The following FUT5 variants were observed in gnomAD, a reference collection of about 807,000 sequenced individuals.
FUT5 encodes the protein fucosyltransferase 5.
A neutral mutation model predicts 0.8 loss-of-function variants in FUT5; 1 was observed. The ratio of observed to expected loss-of-function variants is 1.26; its 90% CI spans 0.45 to 5.99. The LOEUF (loss-of-function observed/expected upper bound fraction) is 5.99. FUT5 is among the 30% of genes most tolerant of loss of function. The probability of loss-of-function intolerance (pLI) is 0.15; values close to 1 mark genes in which losing one functional copy is unlikely to be tolerated. For missense variants in FUT5, 437 were observed against 517.8 expected (o/e 0.84, Z 1.51); for synonymous variants, 212 against 225.7 (o/e 0.94, Z 0.54).
Position 5,867,842 on chromosome 19 carries a change from A to T in FUT5, c.-12-105T>A, listed in dbSNP as rs2057511161. The T allele has an allele frequency of 9.8e-6, 12 of 1,220,220 alleles. 1 individual carries two copies. In the South Asian group the frequency reaches 1.4e-4, roughly 14 times the overall value. The allele number at this position is 1,220,220 out of a possible 1,614,324, so 75.6% of individuals were successfully genotyped here. A position where few individuals can be genotyped will look rare whatever the true frequency, so the allele number is the denominator to read the frequency against. On this transcript the variant is annotated intron_variant, in intron 1 of 1. Transcript: ENST00000588525. The surrounding 1 kb of genome is among the most constrained non-coding windows in gnomAD (Gnocchi z 5.0). Reference sequence around the variant, plus strand: ...TATAATTTATGACACAGCTTGTCATAAATGCCCCCAGTACCCCTGAGTTGA... The same window carrying T: ...TATAATTTATGACACAGCTTGTCATTAATGCCCCCAGTACCCCTGAGTTGA...
intron 1 of FUT5, among the ~76,000 whole-genome samples, chr19:5,868,249 G>T (rs1249506605): frequency 6.6e-6 from 1 of 152,054 alleles, no homozygotes; most frequent in Non-Finnish European, 1.5e-5. Context: ...ACCAGGCAGG[G>T]AGTGGGGGGA....
intron 1 of FUT5, among the ~76,000 whole-genome samples, chr19:5,868,245 C>T (rs1417103877): frequency 6.6e-6 from 1 of 151,852 alleles, no homozygotes; most frequent in Non-Finnish European, 1.5e-5. Flanking sequence ...GCTGACCAGG[C>T]AGGGAGTGGG....
In FUT5 at chr19:5,867,352, T is replaced by TC; in HGVS notation, c.373dup (p.Asp125GlyfsTer238). On this transcript the variant is annotated frameshift_variant, in exon 2 of 2. Transcript: ENST00000588525. LOFTEE classifies it low-confidence loss of function (END_TRUNC). This position sits in a 1 kb window ranked among gnomAD's most constrained non-coding sequence, Gnocchi z 5.0. ...GTTGGCACTGGGGTTGTACATGATATCCCAGTGGTGCACGATGACCGCGTC... is the reference window on the plus strand; with the variant it reads ...GTTGGCACTGGGGTTGTACATGATATCCCCAGTGGTGCACGATGACCGCGTC... 6.2e-7 allele frequency: 1 copy of TC among 1,613,830 alleles called. No individual in the cohort carries two copies. The highest frequency in any genetic ancestry group is 8.5e-7 in the Non-Finnish European group (1 of 1,180,006).
chr19:5,868,987 A>AT (rs532737030), intron 1 of FUT5, among the ~76,000 whole-genome samples: 86 of 139,214 alleles, frequency 6.2e-4, no homozygotes, highest in East Asian at 1.7e-3. Flanking sequence ...TGCCCAGCTA[A>AT]TTTTTTTTTT....
chr19:5,867,226 T>C lies in FUT5; in HGVS notation c.500A>G (p.Asn167Ser), dbSNP rs368255820. Residue 167 changes from asparagine (N) to serine (S), a missense_variant, in exon 2 of 2, where the codon AAT becomes AGT. This residue lies in a region of FUT5 where 261 missense variants were observed against 242.6 expected (regional missense o/e 1.08). Coordinates refer to ENST00000588525, the MANE Select transcript of FUT5 (RefSeq NM_002034.2). The surrounding 1 kb of genome is among the most constrained non-coding windows in gnomAD (Gnocchi z 5.0). ...GTCGCTGCGGTAGGACATGGTGAGA[T>C]TGAAGTATCCGTCCAGGGCTTCCAG... ...RHLEALDGYF[N>S]LTMSYRSDSD... is the part of the protein sequence containing the mutation. 4 of 1,612,860 alleles carry C rather than the reference T, an allele frequency of 2.5e-6. No individual in the cohort carries two copies. Among genetic ancestry groups the C allele is most frequent in the African/African-American group, 2.7e-5 (2 of 74,812 alleles).
intron 1 of FUT5, among the ~76,000 whole-genome samples, chr19:5,868,605 C>T (rs955412768): frequency 2.4e-4 from 37 of 152,232 alleles, no homozygotes; most frequent in Admixed American, 1.8e-3. Flanking sequence ...GAGGCCAAGG[C>T]GGGCAGATCA....
chr19:5,867,519 C>T lies in FUT5; in HGVS notation c.207G>A (p.Ala69=), dbSNP rs181646788. 6.3e-5 allele frequency: 101 copies of T among 1,613,308 alleles called. No homozygotes were observed. The East Asian group carries it at 8.5e-4, about 14-fold the overall frequency. Residue 69 remains alanine (A), a synonymous_variant, in exon 2 of 2, where the codon GCG becomes GCA. Coordinates refer to ENST00000588525, the MANE Select transcript of FUT5 (RefSeq NM_002034.2). The surrounding 1 kb of genome is among the most constrained non-coding windows in gnomAD (Gnocchi z 5.0). ...TCAGTAGGGTGGGGTGGGCAGGGGTCGCCATGCTGTCCTGGCAGCGGGACC... is the reference window on the plus strand; with the variant it reads ...TCAGTAGGGTGGGGTGGGCAGGGGTTGCCATGCTGTCCTGGCAGCGGGACC... ...PNGSRCQDSM[A]TPAHPTLLIL... is the part of the protein sequence containing the mutation.
intron 1 of FUT5, among the ~76,000 whole-genome samples, chr19:5,870,144 TTTTCTTTCTTTC>T (rs758667641): frequency 7.1e-6 from 1 of 141,666 alleles, no homozygotes; most frequent in Admixed American, 7.6e-5. Context: ...TGCTGGGAAG[TTTTCTTTCTTTC>T]TTTCTTTTTA....
rs1030681755 is a variant in FUT5 at position 5,867,834 on chromosome 19, C to G, written c.-12-97G>C. On this transcript the variant is annotated intron_variant, in intron 1 of 1. Coordinates refer to ENST00000588525, the MANE Select transcript of FUT5 (RefSeq NM_002034.2). The surrounding 1 kb of genome is among the most constrained non-coding windows in gnomAD (Gnocchi z 5.0). ...GAAGCTGTTATAATTTATGACACAG[C>G]TTGTCATAAATGCCCCCAGTACCCC... 15 of 1,331,606 alleles carry G rather than the reference C, an allele frequency of 1.1e-5. No individual in the cohort carries two copies. Among genetic ancestry groups the G allele is most frequent in the Non-Finnish European group, 1.6e-5 (15 of 936,944 alleles). 82.5% of individuals were successfully genotyped at this position (1,331,606 alleles called of 1,614,324 possible).
In FUT5 at chr19:5,867,481, G is replaced by T; in HGVS notation, c.245C>A (p.Thr82Lys). ...AGCCACGGGTGTGTTAAAAGGCCAC[G>T]TCCACAGCAGGATCAGTAGGGTGGG... ...AHPTLLILLWTWPFNTPVALP... is the reference protein window; with the variant it reads ...AHPTLLILLWKWPFNTPVALP... Residue 82 changes from threonine to lysine, a missense_variant, in exon 2 of 2, where the codon ACG becomes AAG. Around this residue, in one of 2 missense-constraint regions of FUT5, gnomAD observed 261 missense variants for 242.6 expected, o/e 1.08. Coordinates refer to ENST00000588525, the MANE Select transcript of FUT5 (RefSeq NM_002034.2). The surrounding 1 kb of genome is among the most constrained non-coding windows in gnomAD (Gnocchi z 5.0). The T allele has an allele frequency of 6.5e-7, 1 of 1,530,408 alleles. No homozygotes were observed. Among genetic ancestry groups the T allele is most frequent in the Non-Finnish European group, 8.9e-7 (1 of 1,127,790 alleles). The allele number at this position is 1,530,408 out of a possible 1,614,324, so 94.8% of individuals were successfully genotyped here.
Position 5,868,150 on chromosome 19 carries a change from G to A in FUT5, c.-12-413C>T, listed in dbSNP as rs182773550. 6.3e-4 allele frequency among the ~76,000 whole-genome samples: 96 copies of A among 152,264 alleles called. 1 individual carries two copies. Among genetic ancestry groups the A allele is most frequent in the Non-Finnish European group, 1.2e-3 (82 of 68,012 alleles). On this transcript the variant is annotated intron_variant, in intron 1 of 1. Coordinates refer to ENST00000588525, the MANE Select transcript of FUT5 (RefSeq NM_002034.2). ...TCTGGCCCTCAGACACACTGTCCCC[G>A]TCCTGGGGGAGAGGCTGAGGCTGGG...
Position 5,869,556 on chromosome 19 carries a change from A to C in FUT5, c.-13+909T>G, listed in dbSNP as rs369003655. 7.9e-5 allele frequency among the ~76,000 whole-genome samples: 12 copies of C among 152,200 alleles called. No homozygotes were observed. In the East Asian group the frequency reaches 2.3e-3, roughly 29 times the overall value. Reference sequence around the variant, plus strand: ...GTGAGCCACCACACCCGGCCTAAATAAATTTTTTTTTCCCACCAAACACAA... The same window carrying C: ...GTGAGCCACCACACCCGGCCTAAATCAATTTTTTTTTCCCACCAAACACAA... On this transcript the variant is annotated intron_variant, in intron 1 of 1. Transcript: ENST00000588525.
Position 5,867,722 on chromosome 19 carries a change from C to CCATG in FUT5, c.-1_3dup (p.Asp2HisfsTer46). ...TGTGGCTTGGCTGGGCCCAGGGGAT[C>CCATG]CATGGGTCAGAGTAGCTGGGAAGAG... On this transcript the variant is annotated frameshift_variant, in exon 2 of 2. Transcript: ENST00000588525. LOFTEE classifies it low-confidence loss of function (END_TRUNC). The surrounding 1 kb of genome is among the most constrained non-coding windows in gnomAD (Gnocchi z 5.0). 6.2e-7 allele frequency: 1 copy of CCATG among 1,613,158 alleles called. No individual in the cohort carries two copies. The highest frequency in any genetic ancestry group is 8.5e-7 in the Non-Finnish European group (1 of 1,179,990).
rs576549384 is a variant in FUT5 at position 5,869,804 on chromosome 19, G to A, written c.-13+661C>T. On this transcript the variant is annotated intron_variant, in intron 1 of 1. Coordinates refer to ENST00000588525, the MANE Select transcript of FUT5 (RefSeq NM_002034.2). The stretch of plus-strand genomic sequence containing the variant: ...ATATATCATTAAAATTAAATTGGCC[G>A]GATGTGGTGCCTCACGTCTGTAATA... Among the ~76,000 whole-genome samples, 13 of 152,112 alleles carry A rather than the reference G, an allele frequency of 8.5e-5. No individual in the cohort carries two copies. The South Asian group carries it at 1.2e-3, about 15-fold the overall frequency.
Position 5,867,372 on chromosome 19 carries a change from C to T in FUT5, c.354G>A (p.Ala118=), listed in dbSNP as rs149784295. The change falls in exon 2 of 2, where the codon GCG becomes GCA. Residue 118 remains alanine (A), a synonymous_variant. Transcript: ENST00000588525. This position sits in a 1 kb window ranked among gnomAD's most constrained non-coding sequence, Gnocchi z 5.0. ...ADSSVYPQAD[A]VIVHHWDIMY... is the part of the protein sequence containing the mutation. ...TGATATCCCAGTGGTGCACGATGAC[C>T]GCGTCTGCCTGTGGGTACACACTGG... is the stretch of plus-strand genomic sequence containing the variant. 55 of 1,613,786 alleles carry T rather than the reference C, an allele frequency of 3.4e-5. No homozygotes were observed. Among genetic ancestry groups the T allele is most frequent in the South Asian group, 5.5e-5 (5 of 91,084 alleles).
chr19:5,868,891 G>A (rs1599680865), intron 1 of FUT5, among the ~76,000 whole-genome samples: 1 of 152,316 alleles, frequency 6.6e-6, no homozygotes, highest in African/African-American at 2.4e-5. Context: ...CATGATCTCA[G>A]CTTACTGAAG....
Position 5,867,252 on chromosome 19 carries a change from G to A in FUT5, c.474C>T (p.His158=). Residue 158 remains histidine, a synonymous_variant, in exon 2 of 2, where the codon CAC becomes CAT. Transcript: ENST00000588525. The surrounding 1 kb of genome is among the most constrained non-coding windows in gnomAD (Gnocchi z 5.0). ...TGAAGTATCCGTCCAGGGCTTCCAG[G>A]TGCCGGCAGTTGCTGGGGGACTCCA... ...FSMESPSNCR[H]LEALDGYFNL... 1.2e-6 allele frequency: 2 copies of A among 1,613,426 alleles called. No homozygotes were observed. Among genetic ancestry groups the A allele is most frequent in the Admixed American group, 1.7e-5 (1 of 60,022 alleles).
Position 5,866,623 on chromosome 19 carries a change from C to A in FUT5, c.1103G>T (p.Ser368Ile). Residue 368 changes from serine (S) to isoleucine (I), a missense_variant, in exon 2 of 2, where the codon AGC becomes ATC. Physicochemically the swap from Ser to Ile is moderately radical, Grantham distance 142. Around this residue, in one of 2 missense-constraint regions of FUT5, gnomAD observed 176 missense variants for 275.2 expected, o/e 0.64. Transcript: ENST00000588525. The surrounding 1 kb of genome is among the most constrained non-coding windows in gnomAD (Gnocchi z 4.9). ...CTCTCAGGTGAACCAAGCCGCTATG[C>A]TGCGCACCGTCTGGTACCTAGATTC... ...QQESRYQTVR[S>I]IAAWFT The A allele has an allele frequency of 1.2e-6, 2 of 1,613,298 alleles. No individual in the cohort carries two copies. Among genetic ancestry groups the A allele is most frequent in the South Asian group, 2.2e-5 (2 of 91,064 alleles).
At position 5,867,875 on chromosome 19, in the gene FUT5, A is replaced by G. The variant is rs1344458848; in HGVS notation, c.-12-138T>C. On this transcript the variant is annotated intron_variant, in intron 1 of 1. Coordinates refer to ENST00000588525, the MANE Select transcript of FUT5 (RefSeq NM_002034.2). The surrounding 1 kb of genome is among the most constrained non-coding windows in gnomAD (Gnocchi z 5.0). Reference sequence around the variant, plus strand: ...CCAGTACCCCTGAGTTGAGGATTGAATTTATAACTCTGACAGGGAAGGGTA... The same window carrying G: ...CCAGTACCCCTGAGTTGAGGATTGAGTTTATAACTCTGACAGGGAAGGGTA... The G allele has an allele frequency of 7.7e-6, 7 of 912,700 alleles. No individual in the cohort carries two copies. The highest frequency in any genetic ancestry group is 1.2e-5 in the Non-Finnish European group (7 of 581,832). The allele number at this position is 912,700 out of a possible 1,614,324, so 56.5% of individuals were successfully genotyped here.
Sources: gnomAD v4.1 joint callset for allele counts (sites outside exome capture counted in the v4.1 genomes callset) on GRCh38, gnomAD v4.1.1 for gene constraint, gnomAD v4.1.1 regional missense constraint, Gnocchi (gnomAD v3.1) non-coding constraint, MANE v1.5 for transcripts, NCBI Gene and HGNC (gene_info 2026-07-23, HGNC 2026-07-21) for gene names.